Variants in DLGAP2 observed in about 807,000 individuals in gnomAD.
DLGAP2 encodes DLG associated protein 2, also known as disks large-associated protein 2.
In DLGAP2, 26 loss-of-function variants were observed where a neutral mutation model predicts 100.3. The observed-to-expected ratio is 0.26, with a 90% CI of 0.19 to 0.36. DLGAP2 has a LOEUF of 0.36. DLGAP2 is among the 10% of genes least tolerant of loss of function. DLGAP2 has a pLI of 1.00. For missense variants in DLGAP2, 1,858 were observed against 1,453.2 expected (o/e 1.28, Z -4.53); for synonymous variants, 886 against 630.1 (o/e 1.41, Z -6.08).
In DLGAP2 at chr8:1,216,793, T is replaced by C. The variant is rs564331074; in HGVS notation, c.74-42058T>C. 7.2e-5 allele frequency among the ~76,000 whole-genome samples: 11 copies of C among 152,280 alleles called. No homozygotes were observed. In the East Asian group the frequency reaches 1.9e-3, roughly 27 times the overall value. On this transcript the variant is annotated intron_variant, in intron 2 of 14. Coordinates refer to ENST00000637795, the MANE Select transcript of DLGAP2 (RefSeq NM_001346810.2). ...AAAATCTCAGATTTTTCTGAATCTG[T>C]TATGAAGTGAACAGTAGTAACCTAA... is the stretch of plus-strand genomic sequence containing the variant.
intron 1 of DLGAP2, among the ~76,000 whole-genome samples, chr8:791,871 T>C (rs1450106632): frequency 6.6e-6 from 1 of 152,200 alleles, no homozygotes; most frequent in Admixed American, 6.5e-5. Flanking sequence ...TGCACTGTTT[T>C]CTGAGCCATA....
At chr8:1,601,799 C>T (rs1044658563) in intron 6 of DLGAP2, among the ~76,000 whole-genome samples, 1 of 152,178 alleles carries the variant, frequency 6.6e-6, no homozygotes, top group Non-Finnish European at 1.5e-5. Context: ...GCTGTTTCCT[C>T]TCCCTAAATG....
At chr8:969,733 A>C (rs536172817) in intron 2 of DLGAP2, among the ~76,000 whole-genome samples, 1 of 152,192 alleles carries the variant, frequency 6.6e-6, no homozygotes, top group Admixed American at 6.5e-5. Context: ...TGATGTCATA[A>C]GGGTGGCTTG....
chr8:1,171,272 T>A (rs553455380), intron 2 of DLGAP2, among the ~76,000 whole-genome samples: 2 of 152,232 alleles, frequency 1.3e-5, no homozygotes, highest in African/African-American at 4.8e-5. Flanking sequence ...TCTGTTCTTT[T>A]ACATGTGCTG....
chr8:1,597,239 C>G (rs567208676), intron 6 of DLGAP2, among the ~76,000 whole-genome samples: 4 of 152,312 alleles, frequency 2.6e-5, no homozygotes, highest in South Asian at 4.1e-4. Context: ...TGTTTTGATA[C>G]TAGTACCATC....
chr8:1,159,581 G>A (rs374435920), intron 2 of DLGAP2, among the ~76,000 whole-genome samples: 1 of 32,250 alleles, frequency 3.1e-5, no homozygotes, highest in East Asian at 5.6e-4. Context: ...ACACTCTTCT[G>A]TGTATTTTTC....
chr8:1,657,948 G>A (rs1301569488), intron 8 of DLGAP2, among the ~76,000 whole-genome samples: 6 of 152,142 alleles, frequency 3.9e-5, no homozygotes, highest in Admixed American at 3.9e-4. Flanking sequence ...AGAAGTGAGA[G>A]AGAAAAGACT....
chr8:1,229,455 A>G (rs1382777608), intron 2 of DLGAP2, among the ~76,000 whole-genome samples: 1 of 152,124 alleles, frequency 6.6e-6, no homozygotes, highest in African/African-American at 2.4e-5. Flanking sequence ...ATCTGGCAAG[A>G]TTATGTATTT....
At chr8:1,592,425 G>T (rs1160066557) in intron 6 of DLGAP2, among the ~76,000 whole-genome samples, 1 of 151,866 alleles carries the variant, frequency 6.6e-6, no homozygotes, top group South Asian at 2.1e-4. Context: ...CTTTACCCCT[G>T]TGTTTCTGCT....
At chr8:994,178 C>T (rs560255336) in intron 2 of DLGAP2, among the ~76,000 whole-genome samples, 1 of 152,192 alleles carries the variant, frequency 6.6e-6, no homozygotes, top group Non-Finnish European at 1.5e-5. Flanking sequence ...ATTATTTTGA[C>T]CTAAACATCC....
intron 2 of DLGAP2, among the ~76,000 whole-genome samples, chr8:1,144,807 T>C (rs74933360): frequency 6.6e-5 from 5 of 75,384 alleles, no homozygotes; most frequent in Non-Finnish European, 1.5e-4. Context: ...ACGGCCTGTA[T>C]GCACAACCAA....
At chr8:911,732 GT>G (rs1798489567) in intron 2 of DLGAP2, among the ~76,000 whole-genome samples, 1 of 151,690 alleles carries the variant, frequency 6.6e-6, no homozygotes, top group South Asian at 2.1e-4. Context: ...TATAATGTAT[GT>G]TGGAAGGATG....
At chr8:1,089,837 T>C (rs1243665746) in intron 2 of DLGAP2, among the ~76,000 whole-genome samples, 1 of 152,208 alleles carries the variant, frequency 6.6e-6, no homozygotes, top group Non-Finnish European at 1.5e-5. Flanking sequence ...TCAGACCTGA[T>C]TGTTTGGGAG....
At chr8:1,155,051 G>C (rs73528488) in intron 2 of DLGAP2, among the ~76,000 whole-genome samples, 1 of 152,120 alleles carries the variant, frequency 6.6e-6, no homozygotes, top group African/African-American at 2.4e-5. Context: ...CCTCTGCCTG[G>C]GCACCAGCAC....
intron 1 of DLGAP2, among the ~76,000 whole-genome samples, chr8:742,466 C>A (rs754817629): frequency 6.6e-6 from 1 of 152,118 alleles, no homozygotes; most frequent in Non-Finnish European, 1.5e-5. Context: ...GAAAAACATC[C>A]TTTTGTGTGT....
chr8:774,972 T>G (rs1218518523), intron 1 of DLGAP2, among the ~76,000 whole-genome samples: 1 of 151,688 alleles, frequency 6.6e-6, no homozygotes, highest in East Asian at 1.9e-4. Context: ...TGATTCTTCC[T>G]ACCCATGAGC....
intron 3 of DLGAP2, among the ~76,000 whole-genome samples, chr8:1,462,927 C>T (rs903483210): frequency 6.6e-6 from 1 of 152,222 alleles, no homozygotes; most frequent in Non-Finnish European, 1.5e-5. Context: ...GCCCTCATCC[C>T]ATTCCATGAG....
chr8:1,690,650 G>C (rs559236631), intron 12 of DLGAP2, among the ~76,000 whole-genome samples: 1 of 136,692 alleles, frequency 7.3e-6, no homozygotes, highest in African/African-American at 2.8e-5. Context: ...GTTGCAGTGA[G>C]CCAGGATTGC....
intron 4 of DLGAP2, among the ~76,000 whole-genome samples, chr8:1,505,894 T>C (rs1009442685): frequency 1.3e-5 from 2 of 152,220 alleles, no homozygotes; most frequent in Non-Finnish European, 2.9e-5. Flanking sequence ...GAGTGCTATA[T>C]TGACCCAAAT....
Sources: allele counts gnomAD v4.1 joint callset (sites outside exome capture counted in the v4.1 genomes callset), GRCh38; gene constraint gnomAD v4.1.1; transcripts MANE v1.5; gene names NCBI Gene and HGNC (gene_info 2026-07-23, HGNC 2026-07-21).